Variants in SUPT3H observed in about 807,000 individuals in gnomAD.
The protein encoded by SUPT3H is SPT3 homolog, SAGA and STAGA complex component.
Under a neutral mutation model 44.3 loss-of-function variants are expected in SUPT3H, and 44 were observed. The ratio of observed to expected loss-of-function variants is 0.99; its 90% confidence interval spans 0.78 to 1.28. SUPT3H has a LOEUF of 1.28. SUPT3H is among the 50% of genes most tolerant of loss of function. The probability of loss-of-function intolerance (pLI) is 0.00; values close to 1 mark genes in which losing one functional copy is unlikely to be tolerated. For missense variants in SUPT3H, 380 were observed against 387.1 expected (o/e 0.98, Z 0.15); for synonymous variants, 124 against 125.6 (o/e 0.99, Z 0.09).
At chr6:45,229,039 GAATT>G (rs1767467806) in intron 2 of SUPT3H, among the ~76,000 whole-genome samples, 1 of 152,016 alleles carries the variant, frequency 6.6e-6, no homozygotes, top group Admixed American at 6.5e-5. Context: ...TTAATTGAAT[GAATT>G]AACAAGCACT....
intron 2 of SUPT3H, among the ~76,000 whole-genome samples, chr6:45,191,302 G>C (rs151201377): frequency 1.5e-3 from 226 of 152,180 alleles, no homozygotes; most frequent in African/African-American, 5.2e-3. Flanking sequence ...CCAAGTAATA[G>C]AAGTCAATCT....
chr6:45,147,674 T>C (rs2153594134), intron 2 of SUPT3H, among the ~76,000 whole-genome samples: 1 of 152,002 alleles, frequency 6.6e-6, no homozygotes, highest in Middle Eastern at 3.4e-3. Flanking sequence ...AAGAGGTGGC[T>C]GGGAGGTGAG....
intron 10 of SUPT3H, among the ~76,000 whole-genome samples, chr6:44,869,194 G>GCTTT (rs1475742396): frequency 6.6e-6 from 1 of 152,022 alleles, no homozygotes; most frequent in Non-Finnish European, 1.5e-5. Context: ...AGTATAGGCT[G>GCTTT]CTTTGTCTTT....
intron 2 of SUPT3H, among the ~76,000 whole-genome samples, chr6:45,233,796 A>C (rs1045817407): frequency 7.2e-5 from 11 of 152,294 alleles, no homozygotes; most frequent in Admixed American, 3.9e-4. Flanking sequence ...CTCTAAACCC[A>C]CATTCCTAAC....
intron 6 of SUPT3H, among the ~76,000 whole-genome samples, chr6:44,965,228 G>A (rs1431663499): frequency 1.3e-5 from 2 of 152,164 alleles, no homozygotes; most frequent in Admixed American, 6.5e-5. Context: ...CACATCACAG[G>A]TGTGTAGAGA....
chr6:45,322,754 T>C (rs1374766505), intron 2 of SUPT3H: 1 of 670,476 alleles, frequency 1.5e-6, no homozygotes, highest in Non-Finnish European at 2.6e-6. Context: ...TTCCTAAAAA[T>C]AAGCCTACAA....
chr6:45,023,433 A>G (rs1785473684), intron 3 of SUPT3H, among the ~76,000 whole-genome samples: 1 of 152,106 alleles, frequency 6.6e-6, no homozygotes, highest in Admixed American at 6.6e-5. Context: ...CTGGGTATAT[A>G]CCCCAAGGGG....
At chr6:45,345,338 A>G (rs970852113) in intron 2 of SUPT3H, among the ~76,000 whole-genome samples, 2 of 152,080 alleles carry the variant, frequency 1.3e-5, no homozygotes, top group African/African-American at 4.8e-5. Flanking sequence ...AACCAGAGGG[A>G]CTTTATTATA....
chr6:45,046,116 C>A (rs1045837706), intron 3 of SUPT3H, among the ~76,000 whole-genome samples: 3 of 152,126 alleles, frequency 2.0e-5, no homozygotes, highest in Non-Finnish European at 4.4e-5. Flanking sequence ...GCACATGGCA[C>A]GAAGAAAGGA....
rs143538641 is a variant in SUPT3H at position 45,149,084 on chromosome 6, A to G, written c.102-43078T>C. On this transcript the variant is annotated intron_variant, in intron 2 of 10. Coordinates refer to ENST00000371459, the MANE Select transcript of SUPT3H (RefSeq NM_003599.4). ...TTTTGTGTGAACTGTTGGGATTACT[A>G]AACATATTAATATACAGTAGTTGTA... 2.4e-3 allele frequency among the ~76,000 whole-genome samples: 363 copies of G among 152,310 alleles called. 7 individuals carry two copies. In the East Asian group the frequency reaches 0.062, roughly 26 times the overall value.
At chr6:45,003,537 A>C in intron 6 of SUPT3H, 116 bp downstream of exon 6, 6 of 1,266,050 alleles carry the variant, frequency 4.7e-6, no homozygotes, top group Non-Finnish European at 6.4e-6. Flanking sequence ...CATCAGACAT[A>C]AAACCACTGA....
chr6:45,133,275 T>A (rs950885985), intron 2 of SUPT3H, among the ~76,000 whole-genome samples: 1 of 152,196 alleles, frequency 6.6e-6, no homozygotes, highest in African/African-American at 2.4e-5. Flanking sequence ...ATACTTAGTT[T>A]CCTGCAGTCT....
At chr6:45,218,801 A>T (rs909673165) in intron 2 of SUPT3H, among the ~76,000 whole-genome samples, 2 of 152,148 alleles carry the variant, frequency 1.3e-5, no homozygotes, top group Non-Finnish European at 2.9e-5. Context: ...CAACAAAATC[A>T]AATTAAAACA....
At chr6:45,029,266 C>G (rs1316826525) in intron 3 of SUPT3H, among the ~76,000 whole-genome samples, 3 of 150,792 alleles carry the variant, frequency 2.0e-5, no homozygotes, top group African/African-American at 7.3e-5. Context: ...ATATATAAGG[C>G]TATAATTACC....
intron 9 of SUPT3H, among the ~76,000 whole-genome samples, chr6:44,946,880 C>T (rs779462390): frequency 1.3e-5 from 2 of 152,094 alleles, no homozygotes; most frequent in East Asian, 1.9e-4. Context: ...AACAATATCA[C>T]GTGCTACAGA....
At chr6:45,346,791 T>G (rs1190554143) in intron 2 of SUPT3H, among the ~76,000 whole-genome samples, 1 of 152,070 alleles carries the variant, frequency 6.6e-6, no homozygotes, top group East Asian at 1.9e-4. Context: ...GGTCTCAAAC[T>G]TGACCTCAGG....
intron 2 of SUPT3H, among the ~76,000 whole-genome samples, chr6:45,128,555 TATACACAC>T (rs1252596803): frequency 1.4e-3 from 83 of 58,278 alleles, no homozygotes; most frequent in Middle Eastern, 0.01. Flanking sequence ...TATATATATA[TATACACAC>T]ACACACACAC....
intron 3 of SUPT3H, among the ~76,000 whole-genome samples, chr6:45,063,521 A>T (rs537575728): frequency 1.7e-5 from 2 of 118,780 alleles, no homozygotes; most frequent in South Asian, 5.6e-4. Context: ...GAGCTATGGG[A>T]GGACATTCAA....
At chr6:45,346,198 A>T (rs2150158912) in intron 2 of SUPT3H, among the ~76,000 whole-genome samples, 1 of 152,240 alleles carries the variant, frequency 6.6e-6, no homozygotes, top group Admixed American at 6.5e-5. Flanking sequence ...TGTGTGTAAG[A>T]TTCTCACTCT....
Sources: allele counts gnomAD v4.1 joint callset (sites outside exome capture counted in the v4.1 genomes callset), GRCh38; gene constraint gnomAD v4.1.1; transcripts MANE v1.5; gene names NCBI Gene and HGNC (gene_info 2026-07-23, HGNC 2026-07-21).